Variants in TMEM255B observed in about 807,000 individuals in gnomAD.
TMEM255B encodes transmembrane protein 255B.
In TMEM255B, 35 loss-of-function variants were observed where a neutral mutation model predicts 34.5. The observed-to-expected ratio is 1.01, with a 90% CI of 0.77 to 1.34. The LOEUF (loss-of-function observed/expected upper bound fraction) is 1.34, where lower values mean the gene tolerates loss of function less well. Among genes scored for constraint, TMEM255B ranks in the 40% most tolerant of loss-of-function variants. The pLI, the probability that TMEM255B is intolerant of heterozygous loss-of-function variation, is 0.00. For missense variants in TMEM255B, 432 were observed against 433.2 expected, an observed-to-expected ratio of 1.00 and a Z score of 0.02; for synonymous variants, 206 against 201.2, an observed-to-expected ratio of 1.02 and a Z score of -0.20.
At chr13:113,766,616 G>T in intron 2 of TMEM255B, 1 of 347,966 alleles carries the variant, frequency 2.9e-6, no homozygotes, top group Non-Finnish European at 5.5e-6. Flanking sequence ...GGGGCCAGGA[G>T]CCCAGGATGT....
At position 113,816,377 on chromosome 13, in the gene TMEM255B, G is replaced by C. The variant is rs1475316676; in HGVS notation, c.*4474G>C. The stretch of plus-strand genomic sequence containing the variant: ...ATGGCAGTGATGGGTGGACGGCCCC[G>C]TGGATGGACTGACCACCGACCCATG... On this transcript the variant is annotated 3_prime_UTR_variant, in exon 9 of 9. Transcript: ENST00000375353. The C allele has an allele frequency of 1.2e-5, 2 of 160,520 alleles. No individual in the cohort carries two copies. Among genetic ancestry groups the C allele is most frequent in the Non-Finnish European group, 2.8e-5 (2 of 72,598 alleles). 9.9% of individuals were successfully genotyped at this position (160,520 alleles called of 1,614,324 possible).
In TMEM255B at chr13:113,806,976, TCCATC is replaced by T. The variant is rs1237895581; in HGVS notation, c.813+1950_813+1954del. ...ATAGCCTCGGTGGCCCATGCTGTCT[TCCATC>T]CTCAACCTCAGCCGCTGCCCCTCAG... is the stretch of plus-strand genomic sequence containing the variant. On this transcript the variant is annotated intron_variant, in intron 8 of 8. Transcript: ENST00000375353. This position sits in a 1 kb window ranked among gnomAD's most constrained non-coding sequence, Gnocchi z 4.2. Among the ~76,000 whole-genome samples, 1 of 152,126 alleles carries T rather than the reference TCCATC, an allele frequency of 6.6e-6. No individual in the cohort carries two copies. The highest frequency in any genetic ancestry group is 2.4e-5 in the African/African-American group (1 of 41,438).
intron 3 of TMEM255B, among the ~76,000 whole-genome samples, chr13:113,791,934 G>A (rs910517223): frequency 1.3e-5 from 2 of 152,204 alleles, no homozygotes; most frequent in South Asian, 2.1e-4. Flanking sequence ...ATGCTAGAGC[G>A]AGGCACGCAG....
intron 8 of TMEM255B, among the ~76,000 whole-genome samples, chr13:113,810,789 G>A (rs190000024): frequency 1.5e-3 from 231 of 152,326 alleles, no homozygotes; most frequent in South Asian, 4.1e-3. Context: ...ATGCCTCCAC[G>A]GCAACACCCA....
chr13:113,811,667 C>A, intron 8 of TMEM255B, 69 bp from the exon 9 acceptor site: 1 of 1,581,470 alleles, frequency 6.3e-7, no homozygotes, highest in Non-Finnish European at 8.6e-7. Flanking sequence ...TGGTATATGT[C>A]AGGCTTCCCT....
chr13:113,766,202 C>T lies in TMEM255B; in HGVS notation c.134C>T (p.Ala45Val), dbSNP rs756226776. 2 of 1,614,210 alleles carry T rather than the reference C, an allele frequency of 1.2e-6. No individual in the cohort carries two copies. Among genetic ancestry groups the T allele is most frequent in the South Asian group, 2.2e-5 (2 of 91,090 alleles). ...GTCCTCATAGTCACCGTCGGGCTGG[C>T]TGCCACCACCAGGACGGAGAATGTG... ...VSVLIVTVGL[A>V]ATTRTENVTV... Residue 45 changes from alanine (A) to valine (V), a missense_variant, in exon 2 of 9, where the codon GCT becomes GTT. Ala to Val is a moderately conservative substitution (Grantham distance 64). Transcript: ENST00000375353.
chr13:113,760,041 G>C (rs1191533901), intron 1 of TMEM255B, among the ~76,000 whole-genome samples: 4 of 152,238 alleles, frequency 2.6e-5, no homozygotes, highest in Admixed American at 6.5e-5. Flanking sequence ...AGAGGGCTGG[G>C]CAGATTTCAG....
At chr13:113,798,171 T>C (rs1362942061) in intron 4 of TMEM255B, among the ~76,000 whole-genome samples, 1 of 149,344 alleles carries the variant, frequency 6.7e-6, no homozygotes, top group Non-Finnish European at 1.5e-5. Flanking sequence ...GATGGATGGA[T>C]AGAAGGATGG....
At chr13:113,767,794 T>C (rs2140804683) in intron 2 of TMEM255B, among the ~76,000 whole-genome samples, 1 of 152,244 alleles carries the variant, frequency 6.6e-6, no homozygotes, top group African/African-American at 2.4e-5. Context: ...CGTGAAAACA[T>C]CTCCACATTT....
chr13:113,766,109 C>A lies in TMEM255B; in HGVS notation c.47-6C>A, dbSNP rs1448541026. The A allele has an allele frequency of 1.2e-6, 2 of 1,614,056 alleles. No individual in the cohort carries two copies. The highest frequency in any genetic ancestry group is 1.7e-6 in the Non-Finnish European group (2 of 1,180,002). The stretch of plus-strand genomic sequence containing the variant: ...CACTGACAGGTCCTCGCCTTCCTCC[C>A]CACAGAAGGGCTTTCGAGGAGGAAG... On this transcript the variant is annotated splice_polypyrimidine_tract_variant and splice_region_variant and intron_variant, in intron 1 of 8. Coordinates refer to ENST00000375353, the MANE Select transcript of TMEM255B (RefSeq NM_182614.4).
rs117201484 is a variant in TMEM255B at position 113,796,558 on chromosome 13, A to G, written c.342+1321A>G. Among the ~76,000 whole-genome samples the G allele has an allele frequency of 3.2e-3, 484 of 151,936 alleles. 2 individuals carry two copies. Among genetic ancestry groups the G allele is most frequent in the Non-Finnish European group, 5.3e-3 (363 of 67,940 alleles). ...GAGCACACACCACACACACATACAC[A>G]CCACACCACGCTCTTTTCACCTCTA... is the stretch of plus-strand genomic sequence containing the variant. On this transcript the variant is annotated intron_variant, in intron 4 of 8. Coordinates refer to ENST00000375353, the MANE Select transcript of TMEM255B (RefSeq NM_182614.4).
chr13:113,767,578 CTCTGTAAAGAA>C (rs1358716217), intron 2 of TMEM255B, among the ~76,000 whole-genome samples: 5 of 152,246 alleles, frequency 3.3e-5, no homozygotes, highest in Non-Finnish European at 7.3e-5. Context: ...CCAAGCTATG[CTCTGTAAAGAA>C]TCTACCTTCT....
chr13:113,776,243 G>A (rs1037991237), intron 3 of TMEM255B, among the ~76,000 whole-genome samples: 1 of 152,238 alleles, frequency 6.6e-6, no homozygotes, highest in African/African-American at 2.4e-5. Context: ...CGACTTGGGG[G>A]CCGCCCGCCC....
chr13:113,809,914 T>C (rs1296715196), intron 8 of TMEM255B, among the ~76,000 whole-genome samples: 1 of 152,110 alleles, frequency 6.6e-6, no homozygotes, highest in Non-Finnish European at 1.5e-5. Flanking sequence ...GCCAGAAACC[T>C]GTGTGAGTTT....
chr13:113,761,478 T>C (rs2050307498), intron 1 of TMEM255B: 1 of 563,458 alleles, frequency 1.8e-6, no homozygotes. Context: ...GGTGATATTC[T>C]GAGATATCCT....
chr13:113,803,710 CT>C (rs1333479328), intron 7 of TMEM255B, among the ~76,000 whole-genome samples: 1 of 152,206 alleles, frequency 6.6e-6, no homozygotes, highest in Non-Finnish European at 1.5e-5. Context: ...GGCTGCCCCC[CT>C]GCTCTCTGCA....
At chr13:113,782,680 G>GC (rs1364841276) in intron 3 of TMEM255B, among the ~76,000 whole-genome samples, 4 of 151,652 alleles carry the variant, frequency 2.6e-5, no homozygotes, top group Admixed American at 6.6e-5. Flanking sequence ...GTCGGAGGGG[G>GC]GGGCTTCATT....
In TMEM255B at chr13:113,816,823, G is replaced by C. The variant is rs1447869973; in HGVS notation, c.*4920G>C. 2.0e-5 allele frequency: 3 copies of C among 152,332 alleles called. No homozygotes were observed. The highest frequency in any genetic ancestry group is 3.9e-4 in the East Asian group (2 of 5,180). The allele number at this position is 152,332 out of a possible 1,614,324, so 9.4% of individuals were successfully genotyped here. A position where few individuals can be genotyped will look rare whatever the true frequency, so the allele number is the denominator to read the frequency against. On this transcript the variant is annotated 3_prime_UTR_variant, in exon 9 of 9. Transcript: ENST00000375353. ...GCTTGAAACAAGGGCACCATGGAGC[G>C]GACCCTCCCCCTCTCCCCTCGTGGA...
intron 3 of TMEM255B, among the ~76,000 whole-genome samples, chr13:113,791,625 G>C (rs1444411148): frequency 6.6e-6 from 1 of 152,244 alleles, no homozygotes; most frequent in Non-Finnish European, 1.5e-5. Flanking sequence ...AAGATGTTTA[G>C]AGCCCCAAGT....
Sources: gnomAD v4.1 joint callset for allele counts (sites outside exome capture counted in the v4.1 genomes callset) on GRCh38, gnomAD v4.1.1 for gene constraint, Gnocchi (gnomAD v3.1) non-coding constraint, MANE v1.5 for transcripts, NCBI Gene and HGNC (gene_info 2026-07-23, HGNC 2026-07-21) for gene names.